The following CHST15 variants were observed in gnomAD, a reference collection of about 807,000 sequenced individuals.
The protein encoded by CHST15 is B cell RAG associated protein (GALNAC4S-6ST).
In CHST15, 30 loss-of-function variants were observed where a neutral mutation model predicts 53.6. That is an observed-to-expected ratio of 0.56 (90% CI 0.42 to 0.76). The LOEUF (loss-of-function observed/expected upper bound fraction) is 0.76, where lower values mean the gene tolerates loss of function less well. Among genes scored for constraint, CHST15 ranks in the 30% least tolerant of loss-of-function variants. The probability of loss-of-function intolerance (pLI) is 0.00; values close to 1 mark genes in which losing one functional copy is unlikely to be tolerated. For synonymous variants in CHST15, 296 were observed against 289.8 expected (o/e 1.02, Z -0.22); for missense variants, 627 against 740.5 (o/e 0.85, Z 1.78).
At chr10:124,021,537 C>T (rs1946791551) in intron 5 of CHST15, 125 bp from the exon 6 acceptor site, 2 of 1,463,184 alleles carry the variant, frequency 1.4e-6, no homozygotes, top group Admixed American at 2.4e-5. Flanking sequence ...AACCACCCTT[C>T]TTCTTTCCCT....
At position 124,042,163 on chromosome 10, in the gene CHST15, G is replaced by A. The variant is rs190008167; in HGVS notation, c.1033+138C>T. On this transcript the variant is annotated intron_variant, in intron 4 of 7. Transcript: ENST00000435907. The stretch of plus-strand genomic sequence containing the variant: ...TAGTGGTAAGAGTGACAGCCAGGTG[G>A]AGAAGTGGAGGCTCAAAAGAAGTTT... 5.4e-5 allele frequency: 39 copies of A among 723,562 alleles called. No individual in the cohort carries two copies. The East Asian group carries it at 9.5e-4, about 18-fold the overall frequency. The allele number at this position is 723,562 out of a possible 1,614,324, so 44.8% of individuals were successfully genotyped here.
chr10:124,066,839 G>A (rs560857614), intron 1 of CHST15, among the ~76,000 whole-genome samples: 2 of 152,312 alleles, frequency 1.3e-5, no homozygotes, highest in East Asian at 3.9e-4. Context: ...CTGTTCCCCT[G>A]AGCAACCAAG....
At position 124,008,367 on chromosome 10, in the gene CHST15, T is replaced by C. The variant is rs77724301; in HGVS notation, c.*1782A>G. ...CGTACACACACACACACGCGCGCAC[T>C]GTACTGCAAATAAATATACACACAC... On this transcript the variant is annotated 3_prime_UTR_variant, in exon 8 of 8. Coordinates refer to ENST00000435907, the MANE Select transcript of CHST15 (RefSeq NM_001270764.2). 6 of 1,025,080 alleles carry C rather than the reference T, an allele frequency of 5.9e-6. No individual in the cohort carries two copies. Among genetic ancestry groups the C allele is most frequent in the Non-Finnish European group, 5.8e-6 (5 of 858,554 alleles). 63.5% of individuals were successfully genotyped at this position (1,025,080 alleles called of 1,614,324 possible). A position where few individuals can be genotyped will look rare whatever the true frequency, so the allele number is the denominator to read the frequency against.
At chr10:124,059,193 C>T (rs1407864735) in intron 1 of CHST15, among the ~76,000 whole-genome samples, 1 of 152,194 alleles carries the variant, frequency 6.6e-6, no homozygotes, top group Admixed American at 6.5e-5. Flanking sequence ...AGCATTGTTC[C>T]ATGGGTGCAG....
In CHST15 at chr10:124,016,165, G is replaced by A. The variant is rs115361666; in HGVS notation, c.1348-3685C>T. On this transcript the variant is annotated intron_variant, in intron 6 of 7. Transcript: ENST00000435907. ...CACCCCTCAGGGTAGGGTGTGCTGCGGAACAGTGGCGGGGGCTGGCCAGAG... is the reference window on the plus strand; with the variant it reads ...CACCCCTCAGGGTAGGGTGTGCTGCAGAACAGTGGCGGGGGCTGGCCAGAG... Among the ~76,000 whole-genome samples the A allele has an allele frequency of 2.3e-3, 345 of 152,216 alleles. 3 individuals carry two copies. The highest frequency in any genetic ancestry group is 8.1e-3 in the African/African-American group (335 of 41,538).
At chr10:124,013,329 G>A (rs4929800) in intron 6 of CHST15, among the ~76,000 whole-genome samples, 36,730 of 152,066 alleles carry the variant, frequency 0.24, 4,650 homozygotes, top group Middle Eastern at 0.38. Context: ...TGCATGTGAC[G>A]GAACCCTAGT....
chr10:124,044,794 G>A lies in CHST15; in HGVS notation c.672C>T (p.Arg224=), dbSNP rs61740019. ...GCAGGGCGTCGAAGGTGGAGCGGAAGCGCTTGGAGTAGAGCACGTAGGAGT... is the reference window on the plus strand; with the variant it reads ...GCAGGGCGTCGAAGGTGGAGCGGAAACGCTTGGAGTAGAGCACGTAGGAGT... The part of the protein sequence containing the change: ...LTNSYVLYSK[R]FRSTFDALRK... The change falls in exon 3 of 8, where the codon CGC becomes CGT. Residue 224 remains arginine (R), a synonymous_variant. Transcript: ENST00000435907. 3,824 of 1,609,084 alleles carry A rather than the reference G, an allele frequency of 2.4e-3. 69 individuals carry two copies. In the African/African-American group the frequency reaches 0.042, roughly 18 times the overall value.
chr10:124,036,309 C>A lies in CHST15; in HGVS notation c.1190+2206G>T, dbSNP rs1220010121. Among the ~76,000 whole-genome samples the A allele has an allele frequency of 6.6e-6, 1 of 152,210 alleles. No homozygotes were observed. The highest frequency in any genetic ancestry group is 1.5e-5 in the Non-Finnish European group (1 of 68,038). ...TCTGCCTCCAAAACACGGGAACCAG[C>A]AGGTGGGACATGGCAAGGGACGGCA... On this transcript the variant is annotated intron_variant, in intron 5 of 7. Coordinates refer to ENST00000435907, the MANE Select transcript of CHST15 (RefSeq NM_001270764.2). This position sits in a 1 kb window ranked among gnomAD's most constrained non-coding sequence, Gnocchi z 5.1.
rs1247160361 is a variant in CHST15, at chr10:124,021,255, C to G, written c.1347+1G>C. ...GGGGTACGGGGGGGGGGGGTACACACAGGCATGGCGTTGTTGAGGGTGTTG... is the reference window on the plus strand; with the variant it reads ...GGGGTACGGGGGGGGGGGGTACACAGAGGCATGGCGTTGTTGAGGGTGTTG... On this transcript the variant is annotated splice_donor_variant, in intron 6 of 7. Transcript: ENST00000435907. LOFTEE classifies it high-confidence loss of function. The G allele has an allele frequency of 1.9e-6, 3 of 1,595,808 alleles. No homozygotes were observed. The highest frequency in any genetic ancestry group is 1.4e-5 in the African/African-American group (1 of 73,586).
chr10:124,051,355 T>C (rs28739446), intron 1 of CHST15, among the ~76,000 whole-genome samples: 62,707 of 152,060 alleles, frequency 0.41, 14,517 homozygotes, highest in African/African-American at 0.64. Context: ...ATCCAATTAA[T>C]GGGGTGGTAT....
At chr10:124,078,964 T>A in intron 1 of CHST15, among the ~76,000 whole-genome samples, 1 of 152,066 alleles carries the variant, frequency 6.6e-6, no homozygotes, top group East Asian at 1.9e-4. Context: ...AAAATTAAAA[T>A]AAAAGTATGA....
chr10:124,020,165 C>A (rs28711893), intron 6 of CHST15: 5 of 985,404 alleles, frequency 5.1e-6, no homozygotes, highest in South Asian at 4.7e-5. Flanking sequence ...CAAGAATGAA[C>A]GCAGGAATGC....
chr10:124,052,970 T>G (rs984194886), intron 1 of CHST15, among the ~76,000 whole-genome samples: 3 of 152,006 alleles, frequency 2.0e-5, no homozygotes, highest in African/African-American at 7.3e-5. Context: ...GAGGCAGAGG[T>G]TGCAGTGAGC....
At chr10:124,055,787 AT>A (rs1283565376) in intron 1 of CHST15, among the ~76,000 whole-genome samples, 3 of 152,220 alleles carry the variant, frequency 2.0e-5, no homozygotes, top group Admixed American at 1.3e-4. Context: ...AAACGCACCC[AT>A]CCCCAAAGAT....
At chr10:124,063,551 C>T (rs150345805) in intron 1 of CHST15, among the ~76,000 whole-genome samples, 26 of 152,248 alleles carry the variant, frequency 1.7e-4, no homozygotes, top group African/African-American at 6.0e-4. Flanking sequence ...ACCCAAGACA[C>T]TGAACTTGGA....
rs1946689939 is a variant in CHST15, at chr10:124,019,318, G to A, written c.1347+1938C>T. On this transcript the variant is annotated intron_variant, in intron 6 of 7. Transcript: ENST00000435907. This position sits in a 1 kb window ranked among gnomAD's most constrained non-coding sequence, Gnocchi z 4.6. ...CTCAGGGAGCTGCCTTGAGGACCGG[G>A]TGGGCTGCCCTGCCTGCTCTCTCAG... Among the ~76,000 whole-genome samples the A allele has an allele frequency of 6.6e-6, 1 of 152,142 alleles. No homozygotes were observed. The highest frequency in any genetic ancestry group is 1.5e-5 in the Non-Finnish European group (1 of 68,016).
At chr10:124,068,258 G>C (rs1451474968) in intron 1 of CHST15, among the ~76,000 whole-genome samples, 1 of 152,114 alleles carries the variant, frequency 6.6e-6, no homozygotes, top group African/African-American at 2.4e-5. Flanking sequence ...TAGACAGCTG[G>C]AGTTCTCATC....
At chr10:124,011,695 A>T (rs1946421391) in intron 7 of CHST15, 1 of 985,144 alleles carries the variant, frequency 1.0e-6, no homozygotes. Context: ...CCACAAAGTG[A>T]CTCTCAGGCC....
chr10:124,043,120 A>G (rs1274453396), intron 3 of CHST15, among the ~76,000 whole-genome samples: 1 of 152,212 alleles, frequency 6.6e-6, no homozygotes, highest in Non-Finnish European at 1.5e-5. Flanking sequence ...TCCACTTCCC[A>G]ACACCACAAC....
Sources: allele counts gnomAD v4.1 joint callset (sites outside exome capture counted in the v4.1 genomes callset), GRCh38; gene constraint gnomAD v4.1.1; non-coding constraint Gnocchi (gnomAD v3.1); transcripts MANE v1.5; gene names NCBI Gene and HGNC (gene_info 2026-07-23, HGNC 2026-07-21).